ATF3: variants seen among roughly 807,000 people sequenced by gnomAD.
ATF3 encodes cyclic AMP-dependent transcription factor ATF-3.
Under a neutral mutation model 18.4 loss-of-function variants are expected in ATF3, and 10 were observed. The ratio of observed to expected loss-of-function variants is 0.54; its 90% CI spans 0.34 to 0.92. The LOEUF is 0.92. ATF3 is among the 40% of genes least tolerant of loss of function. The probability of loss-of-function intolerance (pLI) is 0.02; values close to 1 mark genes in which losing one functional copy is unlikely to be tolerated. For synonymous variants in ATF3, 78 were observed against 87.9 expected (o/e 0.89, Z 0.63); for missense variants, 183 against 222.3 (o/e 0.82, Z 1.12).
intron 1 of ATF3, among the ~76,000 whole-genome samples, chr1:212,585,435 G>T (rs1664763166): frequency 6.6e-6 from 1 of 152,196 alleles, no homozygotes; most frequent in South Asian, 2.1e-4. Context: ...TCTCTGCATG[G>T]CTGGCACCTT....
chr1:212,619,581 G>A lies in ATF3; in HGVS notation c.*26G>A. 1 of 1,612,942 alleles carries A rather than the reference G, an allele frequency of 6.2e-7. No individual in the cohort carries two copies. Among genetic ancestry groups the A allele is most frequent in the Non-Finnish European group, 8.5e-7 (1 of 1,179,478 alleles). On this transcript the variant is annotated 3_prime_UTR_variant, in exon 4 of 4. Transcript: ENST00000341491. This position sits in a 1 kb window ranked among gnomAD's most constrained non-coding sequence, Gnocchi z 4.4. ...GCAGTCGTGGTATGGGGGCGACTGG[G>A]GAGTCCTCATTGAATCCTCATTTTA...
intron 1 of ATF3, among the ~76,000 whole-genome samples, chr1:212,591,538 T>TC (rs896235520): frequency 4.6e-5 from 7 of 151,848 alleles, no homozygotes; most frequent in African/African-American, 1.7e-4. Flanking sequence ...ATGCTCTCCA[T>TC]CCCCCCCGCC....
intron 1 of ATF3, among the ~76,000 whole-genome samples, chr1:212,568,626 G>A (rs1251688391): frequency 1.3e-5 from 2 of 152,174 alleles, no homozygotes; most frequent in East Asian, 1.9e-4. Flanking sequence ...AGGAGAGTCA[G>A]GATCTGTGGT....
At position 212,615,080 on chromosome 1, in the gene ATF3, T is replaced by A. The variant is rs1451277034; in HGVS notation, c.59T>A (p.Val20Asp). The A allele has an allele frequency of 6.2e-7, 1 of 1,614,056 alleles. No individual in the cohort carries two copies. Among genetic ancestry groups the A allele is most frequent in the Non-Finnish European group, 8.5e-7 (1 of 1,180,046 alleles). Residue 20 changes from valine to aspartate, a missense_variant, in exon 2 of 4, where the codon GTC becomes GAC. Physicochemically the swap from Val to Asp is radical, Grantham distance 152. Coordinates refer to ENST00000341491, the MANE Select transcript of ATF3 (RefSeq NM_001674.4). ...SASEVSASAI[V>D]PCLSPPGSLV... is the part of the protein sequence containing the mutation. ...TCGGAAGTGAGTGCTTCTGCCATCG[T>A]CCCCTGCCTGTCCCCTCCTGGGTCA... is the stretch of plus-strand genomic sequence containing the variant.
In ATF3 at chr1:212,615,498, G is replaced by A. The variant is rs556900388; in HGVS notation, c.240+237G>A. On this transcript the variant is annotated intron_variant, in intron 2 of 3. Transcript: ENST00000341491. The stretch of plus-strand genomic sequence containing the variant: ...GAGCGGGGCAGAGAGAACGGGTAGG[G>A]ATGGGGTTGCTGGGTTTAAAAACTT... Among the ~76,000 whole-genome samples, 95 of 152,110 alleles carry A rather than the reference G, an allele frequency of 6.2e-4. 4 individuals are homozygous for A. In the South Asian group the frequency reaches 0.019, roughly 31 times the overall value.
chr1:212,584,549 T>G (rs1877474), intron 1 of ATF3, among the ~76,000 whole-genome samples: 1 of 151,880 alleles, frequency 6.6e-6, no homozygotes, highest in East Asian at 1.9e-4. Flanking sequence ...TCAGCCTTTT[T>G]GCTGTCTTCA....
chr1:212,605,056 G>A (rs372228950), upstream of ATF3, among the ~76,000 whole-genome samples: 5 of 152,328 alleles, frequency 3.3e-5, no homozygotes, highest in South Asian at 6.2e-4. Flanking sequence ...TTCCTGGAGA[G>A]ATTCAAGGGT....
At chr1:212,604,600 G>A (rs1175864421), upstream of ATF3, among the ~76,000 whole-genome samples, 3 of 152,176 alleles carry the variant, frequency 2.0e-5, no homozygotes, top group Admixed American at 1.3e-4. Context: ...GGGGAAGAAA[G>A]GTTGCAGAAA....
chr1:212,588,583 A>G (rs1291761517), intron 1 of ATF3, among the ~76,000 whole-genome samples: 1 of 152,102 alleles, frequency 6.6e-6, no homozygotes, highest in East Asian at 1.9e-4. Flanking sequence ...ATACATGTAC[A>G]GAGTTTAAAA....
At chr1:212,616,658 A>G (rs1382911541) in intron 2 of ATF3, among the ~76,000 whole-genome samples, 1 of 152,158 alleles carries the variant, frequency 6.6e-6, no homozygotes, top group Admixed American at 6.6e-5. Context: ...AGTAGGGGTA[A>G]GACAGAAGCT....
intron 1 of ATF3, among the ~76,000 whole-genome samples, chr1:212,567,649 A>AT (rs1664408119): frequency 6.6e-6 from 1 of 152,184 alleles, no homozygotes; most frequent in African/African-American, 2.4e-5. Flanking sequence ...CAAATTATTT[A>AT]TTTTTTATAA....
upstream of ATF3, among the ~76,000 whole-genome samples, chr1:212,607,426 G>T (rs1371865757): frequency 2.6e-5 from 4 of 152,204 alleles, no homozygotes; most frequent in African/African-American, 9.6e-5. Flanking sequence ...AAGGTTCCTT[G>T]GTTCTGCCGC....
intron 1 of ATF3, among the ~76,000 whole-genome samples, chr1:212,596,377 C>G (rs1230801666): frequency 1.3e-5 from 2 of 152,328 alleles, no homozygotes; most frequent in East Asian, 3.9e-4. Context: ...TTTCTAAGAA[C>G]ATGTTTTCCA....
intron 1 of ATF3, among the ~76,000 whole-genome samples, chr1:212,581,839 A>G (rs1664690153): frequency 6.6e-6 from 1 of 152,240 alleles, no homozygotes. Flanking sequence ...GATAAAGGAT[A>G]TAATTGCATA....
chr1:212,612,654 C>T (rs960032536), intron 1 of ATF3, among the ~76,000 whole-genome samples: 3 of 152,236 alleles, frequency 2.0e-5, no homozygotes, highest in Non-Finnish European at 4.4e-5. Context: ...AGTTCTGACT[C>T]ATGACACAGG....
chr1:212,603,659 T>C (rs1359804642), intron 1 of ATF3, among the ~76,000 whole-genome samples: 2 of 152,134 alleles, frequency 1.3e-5, no homozygotes, highest in South Asian at 2.1e-4. Context: ...AGAACATCCA[T>C]TGGCAAGTTA....
At chr1:212,580,471 C>T (rs1231767393) in intron 1 of ATF3, among the ~76,000 whole-genome samples, 1 of 152,138 alleles carries the variant, frequency 6.6e-6, no homozygotes, top group African/African-American at 2.4e-5. Context: ...CATACCACCA[C>T]ACCAGGCTAA....
intron 1 of ATF3, among the ~76,000 whole-genome samples, chr1:212,581,094 G>A (rs1664675989): frequency 2.0e-5 from 3 of 152,244 alleles, no homozygotes; most frequent in Admixed American, 2.0e-4. Flanking sequence ...TTACAGTGCT[G>A]TGGTACTTTT....
intron 1 of ATF3, among the ~76,000 whole-genome samples, chr1:212,598,433 C>A (rs1331217585): frequency 6.6e-6 from 1 of 152,138 alleles, no homozygotes; most frequent in Non-Finnish European, 1.5e-5. Flanking sequence ...AATGGGGTAT[C>A]CATCCCCTTA....
Sources: allele counts gnomAD v4.1 joint callset (sites outside exome capture counted in the v4.1 genomes callset), GRCh38; gene constraint gnomAD v4.1.1; non-coding constraint Gnocchi (gnomAD v3.1); transcripts MANE v1.5; gene names NCBI Gene and HGNC (gene_info 2026-07-23, HGNC 2026-07-21).